Variants in FAM13A observed in about 807,000 individuals in gnomAD.
The protein encoded by FAM13A is protein FAM13A.
In FAM13A, 76 loss-of-function variants were observed where a neutral mutation model predicts 129.6. The observed-to-expected ratio is 0.59, with a 90% confidence interval of 0.49 to 0.71. FAM13A has a LOEUF of 0.71. Among genes scored for constraint, FAM13A ranks in the 30% least tolerant of loss-of-function variants. The pLI is 0.00. For synonymous variants in FAM13A, 443 were observed against 449.9 expected, an observed-to-expected ratio of 0.98 and a Z score of 0.20; for missense variants, 1,108 against 1,249.3, an observed-to-expected ratio of 0.89 and a Z score of 1.70.
At chr4:88,780,306 T>C (rs1015962196) in intron 11 of FAM13A, among the ~76,000 whole-genome samples, 1 of 152,146 alleles carries the variant, frequency 6.6e-6, no homozygotes, top group Non-Finnish European at 1.5e-5. Context: ...TTTTATTGAA[T>C]GTATGGAAAA....
chr4:88,973,025 A>G (rs1207762884), intron 4 of FAM13A, among the ~76,000 whole-genome samples: 1 of 152,014 alleles, frequency 6.6e-6, no homozygotes, highest in African/African-American at 2.4e-5. Flanking sequence ...GAGAAGTCAG[A>G]TGTAGAGCTT....
chr4:88,990,846 C>A (rs1159336955), intron 4 of FAM13A, 127 bp downstream of exon 4: 3 of 689,478 alleles, frequency 4.4e-6, no homozygotes, highest in African/African-American at 1.8e-5. Context: ...GAACAAGATA[C>A]AACTTCTCCA....
intron 6 of FAM13A, among the ~76,000 whole-genome samples, chr4:88,904,037 T>C (rs1162884711): frequency 1.3e-5 from 2 of 152,104 alleles, no homozygotes; most frequent in East Asian, 3.8e-4. Context: ...CACTGATCAT[T>C]AGATACATGG....
chr4:88,750,446 G>T lies in FAM13A; in HGVS notation c.1918C>A (p.Pro640Thr). 6.2e-7 allele frequency: 1 copy of T among 1,614,014 alleles called. No individual in the cohort carries two copies. The highest frequency in any genetic ancestry group is 8.5e-7 in the Non-Finnish European group (1 of 1,179,874). Residue 640 changes from proline (P) to threonine (T), a missense_variant, in exon 15 of 24, where the codon CCA becomes ACA. This residue lies in a region of FAM13A where 529 missense variants were observed against 621.2 expected (regional missense o/e 0.85). Coordinates refer to ENST00000264344, the MANE Select transcript of FAM13A (RefSeq NM_014883.4). ...TACCTCATGAAAGAATGGGAGTTTG[G>T]TGGGGAAGGAGGCACTTCTGTGTCA... ...LDDTEVPPSP[P>T]NSHSFMRRRS... is the part of the protein sequence containing the mutation.
intron 5 of FAM13A, among the ~76,000 whole-genome samples, chr4:88,917,310 T>C (rs1750273957): frequency 1.3e-5 from 2 of 152,122 alleles, no homozygotes; most frequent in Admixed American, 1.3e-4. Flanking sequence ...TAACCAGCTC[T>C]TGCAGAAACT....
chr4:88,999,995 A>G (rs1579702517), intron 3 of FAM13A, among the ~76,000 whole-genome samples: 1 of 152,322 alleles, frequency 6.6e-6, no homozygotes, highest in East Asian at 1.9e-4. Context: ...ACATAAAAGC[A>G]TTACTAAAAA....
intron 7 of FAM13A, among the ~76,000 whole-genome samples, chr4:88,822,715 T>C (rs756078771): frequency 8.7e-4 from 132 of 152,232 alleles, no homozygotes; most frequent in Non-Finnish European, 1.6e-3. Flanking sequence ...ATTTCAAAGG[T>C]ATTTTCTTAT....
At chr4:88,761,411 C>T (rs1744789623) in intron 13 of FAM13A, among the ~76,000 whole-genome samples, 1 of 152,060 alleles carries the variant, frequency 6.6e-6, no homozygotes, top group African/African-American at 2.4e-5. Context: ...ACAACAAAGG[C>T]TGGAAGACAA....
chr4:88,966,804 C>A (rs1285411481), intron 4 of FAM13A, among the ~76,000 whole-genome samples: 1 of 152,108 alleles, frequency 6.6e-6, no homozygotes, highest in African/African-American at 2.4e-5. Flanking sequence ...ACTAGCTTAG[C>A]TCATGCAAAA....
chr4:88,911,137 T>C (rs1749030290), intron 5 of FAM13A, among the ~76,000 whole-genome samples: 1 of 152,222 alleles, frequency 6.6e-6, no homozygotes, highest in Non-Finnish European at 1.5e-5. Flanking sequence ...CCTCCTGCTT[T>C]TAGTCCCTTC....
rs535167620 is a variant in FAM13A at position 88,930,054 on chromosome 4, A to T, written c.759+8034T>A. On this transcript the variant is annotated intron_variant, in intron 5 of 23. Coordinates refer to ENST00000264344, the MANE Select transcript of FAM13A (RefSeq NM_014883.4). ...GAGCTCATTTTTTTTTTAAGATATC[A>T]ATCTCTTGGTATGTTTCACATTCAT... Among the ~76,000 whole-genome samples the T allele has an allele frequency of 1.8e-4, 27 of 151,886 alleles. 1 individual carries two copies. In the South Asian group the frequency reaches 5.4e-3, roughly 30 times the overall value.
chr4:88,978,743 G>A (rs369145330), intron 4 of FAM13A, among the ~76,000 whole-genome samples: 22 of 152,070 alleles, frequency 1.4e-4, no homozygotes, highest in Middle Eastern at 6.8e-3. Flanking sequence ...GCAGTGAGCC[G>A]AGATCCGGCC....
At chr4:88,932,938 AC>A (rs533746731) in intron 5 of FAM13A, among the ~76,000 whole-genome samples, 14 of 152,188 alleles carry the variant, frequency 9.2e-5, no homozygotes, top group Non-Finnish European at 1.9e-4. Context: ...TAAATTTTAA[AC>A]CCAAAAGTTA....
At chr4:88,845,122 G>A (rs1159826336) in intron 7 of FAM13A, among the ~76,000 whole-genome samples, 3 of 152,062 alleles carry the variant, frequency 2.0e-5, no homozygotes, top group Non-Finnish European at 2.9e-5. Flanking sequence ...AGGTGATGGA[G>A]ACCTACATTA....
chr4:88,889,828 C>T (rs765206002), intron 6 of FAM13A, among the ~76,000 whole-genome samples: 3 of 152,168 alleles, frequency 2.0e-5, no homozygotes, highest in East Asian at 1.9e-4. Flanking sequence ...CCCACTCTAC[C>T]TGCAACAGAC....
chr4:88,966,618 A>G (rs1759383305), intron 4 of FAM13A, among the ~76,000 whole-genome samples: 2 of 152,154 alleles, frequency 1.3e-5, no homozygotes, highest in Non-Finnish European at 2.9e-5. Context: ...ATGTAGGTTC[A>G]ACTAAAGTTG....
chr4:88,924,046 A>C (rs1751653891), intron 5 of FAM13A, among the ~76,000 whole-genome samples: 1 of 152,224 alleles, frequency 6.6e-6, no homozygotes. Flanking sequence ...GCTCAATGAA[A>C]TAAAAGAGGA....
intron 19 of FAM13A, among the ~76,000 whole-genome samples, chr4:88,745,416 A>G (rs1421139967): frequency 6.6e-6 from 1 of 152,196 alleles, no homozygotes; most frequent in African/African-American, 2.4e-5. Flanking sequence ...AAAATACTCA[A>G]TTGGCAGCAA....
chr4:88,898,998 T>C (rs1006641988), intron 6 of FAM13A, among the ~76,000 whole-genome samples: 7 of 151,982 alleles, frequency 4.6e-5, no homozygotes, highest in Admixed American at 2.0e-4. Flanking sequence ...CAATTCACAA[T>C]TGCAAAAATA....
Sources: gnomAD v4.1 joint callset for allele counts (sites outside exome capture counted in the v4.1 genomes callset) on GRCh38, gnomAD v4.1.1 for gene constraint, gnomAD v4.1.1 regional missense constraint, MANE v1.5 for transcripts, NCBI Gene and HGNC (gene_info 2026-07-23, HGNC 2026-07-21) for gene names.